The following RPS6KA5 variants were observed in gnomAD, a reference collection of about 807,000 sequenced individuals.
RPS6KA5 encodes ribosomal protein S6 kinase alpha-5.
RPS6KA5 carries 27 observed loss-of-function variants against 85.5 expected under a neutral mutation model. That is an observed-to-expected ratio of 0.32 (90% CI 0.23 to 0.44). RPS6KA5 has a LOEUF of 0.44. Ranked by LOEUF, RPS6KA5 falls within the 20% of genes least tolerant of loss-of-function variation. The probability of loss-of-function intolerance (pLI) is 1.00; values close to 1 mark genes in which losing one functional copy is unlikely to be tolerated. For synonymous variants in RPS6KA5, 334 were observed against 348.2 expected (o/e 0.96, Z 0.46); for missense variants, 811 against 980.9 (o/e 0.83, Z 2.31).
At chr14:90,967,862 A>G (rs2039144430) in intron 3 of RPS6KA5, among the ~76,000 whole-genome samples, 1 of 152,112 alleles carries the variant, frequency 6.6e-6, no homozygotes, top group Admixed American at 6.6e-5. Flanking sequence ...AAAACACACT[A>G]CCATCCTCCC....
intron 5 of RPS6KA5, among the ~76,000 whole-genome samples, chr14:90,936,143 G>A (rs1192739882): frequency 6.6e-6 from 1 of 152,208 alleles, no homozygotes; most frequent in Non-Finnish European, 1.5e-5. Flanking sequence ...TCAAGAGCTT[G>A]ATCGAATTTT....
chr14:91,015,221 A>G (rs532449132), intron 1 of RPS6KA5, among the ~76,000 whole-genome samples: 3 of 152,316 alleles, frequency 2.0e-5, no homozygotes, highest in South Asian at 2.1e-4. Flanking sequence ...AGACAATCAC[A>G]CCTGGAACCC....
intron 3 of RPS6KA5, among the ~76,000 whole-genome samples, chr14:90,972,127 A>G (rs1156278555): frequency 6.6e-6 from 1 of 152,228 alleles, no homozygotes; most frequent in African/African-American, 2.4e-5. Flanking sequence ...CAGCAAACAT[A>G]CCATGTTCTT....
chr14:90,902,019 AT>A (rs939314532), intron 9 of RPS6KA5, among the ~76,000 whole-genome samples: 3 of 149,542 alleles, frequency 2.0e-5, no homozygotes, highest in Non-Finnish European at 3.0e-5. Context: ...TGTTTCTACA[AT>A]TTTTTTTTAA....
At chr14:90,922,330 C>G (rs2036438158) in intron 6 of RPS6KA5, among the ~76,000 whole-genome samples, 1 of 151,342 alleles carries the variant, frequency 6.6e-6, no homozygotes, top group African/African-American at 2.5e-5. Flanking sequence ...TAAATACTGT[C>G]CAAAACCATT....
At chr14:90,948,692 C>T (rs1289927419) in intron 3 of RPS6KA5, among the ~76,000 whole-genome samples, 1 of 148,484 alleles carries the variant, frequency 6.7e-6, no homozygotes, top group Non-Finnish European at 1.5e-5. Context: ...GAGACTCTGT[C>T]TCAAAAAAAA....
intron 7 of RPS6KA5, 42 bp from the exon 8 acceptor site, chr14:90,906,341 C>CA (rs60178849): frequency 0.078 from 89,503 of 1,144,368 alleles, 273 homozygotes; most frequent in Non-Finnish European, 0.086. Context: ...AACAGGATGA[C>CA]AAAAAAAAAA....
intron 3 of RPS6KA5, among the ~76,000 whole-genome samples, chr14:90,952,984 C>T (rs2038286747): frequency 6.6e-6 from 1 of 152,156 alleles, no homozygotes; most frequent in South Asian, 2.1e-4. Flanking sequence ...TTATGTTTCT[C>T]TGTTTAATCG....
chr14:91,019,223 T>C (rs1294273201), intron 1 of RPS6KA5, among the ~76,000 whole-genome samples: 4 of 152,148 alleles, frequency 2.6e-5, no homozygotes, highest in Admixed American at 1.3e-4. Flanking sequence ...GGTACCCAGA[T>C]ATTTGGTCAA....
At chr14:90,997,526 A>G (rs1019317784) in intron 2 of RPS6KA5, among the ~76,000 whole-genome samples, 2 of 152,130 alleles carry the variant, frequency 1.3e-5, no homozygotes, top group South Asian at 2.1e-4. Context: ...ATACAGGCAC[A>G]TATCACACCA....
chr14:90,884,736 G>A (rs1399264642), intron 14 of RPS6KA5, among the ~76,000 whole-genome samples: 1 of 152,088 alleles, frequency 6.6e-6, no homozygotes, highest in Non-Finnish European at 1.5e-5. Context: ...ATGAACATTG[G>A]GTTGTTTCCA....
chr14:90,861,044 AC>A lies in RPS6KA5; in HGVS notation c.*11029del, dbSNP rs1290876529. 2 of 151,606 alleles carry A rather than the reference AC, an allele frequency of 1.3e-5. No homozygotes were observed. 9.4% of individuals were successfully genotyped at this position (151,606 alleles called of 1,614,324 possible). ...GTAGCTAGGATTACAGGCATGCACT[AC>A]CACTCCTGGCTCATTTTTTGTATTT... is the stretch of plus-strand genomic sequence containing the variant. On this transcript the variant is annotated 3_prime_UTR_variant, in exon 17 of 17. Coordinates refer to ENST00000614987, the MANE Select transcript of RPS6KA5 (RefSeq NM_004755.4).
chr14:91,059,231 T>C (rs773508942), intron 1 of RPS6KA5, among the ~76,000 whole-genome samples: 1 of 131,770 alleles, frequency 7.6e-6, no homozygotes, highest in Non-Finnish European at 1.5e-5. Flanking sequence ...TCCTAGCTAC[T>C]CCGGAGGCTG....
chr14:90,873,719 A>T lies in RPS6KA5; in HGVS notation c.2073T>A (p.Ser691Arg). The T allele has an allele frequency of 6.2e-7, 1 of 1,614,054 alleles. No homozygotes were observed. The highest frequency in any genetic ancestry group is 8.5e-7 in the Non-Finnish European group (1 of 1,179,944). ...TCATCAGAGGATTGGAGGACAGCTG[A>T]CTTCCATCTTGTAGCCATTCATTGT... ...LRYNEWLQDG[S>R]QLSSNPLMTP... The change falls in exon 16 of 17, where the codon AGT (serine) becomes AGA (arginine). Residue 691 changes from serine to arginine, a missense_variant. Ser to Arg is a moderately radical substitution (Grantham distance 110, BLOSUM62 -1). Coordinates refer to ENST00000614987, the MANE Select transcript of RPS6KA5 (RefSeq NM_004755.4).
intron 5 of RPS6KA5, among the ~76,000 whole-genome samples, chr14:90,924,081 T>A (rs1056701407): frequency 3.3e-5 from 5 of 152,118 alleles, no homozygotes; most frequent in African/African-American, 1.2e-4. Flanking sequence ...GGGTATACAT[T>A]AATAAATATT....
chr14:90,992,542 A>T (rs1387939316), intron 2 of RPS6KA5, among the ~76,000 whole-genome samples: 1 of 152,240 alleles, frequency 6.6e-6, no homozygotes, highest in Non-Finnish European at 1.5e-5. Flanking sequence ...GATATTAAAA[A>T]TTTCACATAT....
chr14:90,952,865 A>T (rs1356371039), intron 3 of RPS6KA5, among the ~76,000 whole-genome samples: 1 of 152,232 alleles, frequency 6.6e-6, no homozygotes, highest in African/African-American at 2.4e-5. Flanking sequence ...TCATTTATCC[A>T]TTGTGCCTGG....
At chr14:91,050,201 G>T (rs2043017184) in intron 1 of RPS6KA5, among the ~76,000 whole-genome samples, 1 of 151,934 alleles carries the variant, frequency 6.6e-6, no homozygotes, top group Non-Finnish European at 1.5e-5. Flanking sequence ...AACATAGCAA[G>T]ACCCTATCTC....
At chr14:91,004,278 G>A (rs1442734066) in intron 1 of RPS6KA5, among the ~76,000 whole-genome samples, 2 of 152,042 alleles carry the variant, frequency 1.3e-5, no homozygotes, top group Non-Finnish European at 2.9e-5. Flanking sequence ...GTAGAGACCG[G>A]GTTTCACCGT....
Sources: allele counts gnomAD v4.1 joint callset (sites outside exome capture counted in the v4.1 genomes callset), GRCh38; gene constraint gnomAD v4.1.1; transcripts MANE v1.5; gene names NCBI Gene and HGNC (gene_info 2026-07-23, HGNC 2026-07-21).